WAPL: variants seen among roughly 807,000 people sequenced by gnomAD.
WAPL encodes the protein wings apart-like protein homolog.
A neutral mutation model predicts 121.0 loss-of-function variants in WAPL; 5 were observed. That is an observed-to-expected ratio of 0.04 (90% confidence interval 0.02 to 0.09). The LOEUF is 0.09. Among genes scored for constraint, WAPL ranks in the 10% least tolerant of loss-of-function variants. The pLI is 1.00. For synonymous variants in WAPL, 480 were observed against 481.5 expected (o/e 1.00, Z 0.04); for missense variants, 999 against 1,410.8 (o/e 0.71, Z 4.68).
At chr10:86,443,595 CAATT>C (rs1473422202) in intron 16 of WAPL, 1 of 445,184 alleles carries the variant, frequency 2.2e-6, no homozygotes. Context: ...GCAAAGGACA[CAATT>C]AACAAACTGA....
At position 86,487,736 on chromosome 10, in the gene WAPL, C is replaced by CA. The variant is rs1333376471; in HGVS notation, c.1644+9464dup. Among the ~76,000 whole-genome samples, 435 of 150,946 alleles carry CA rather than the reference C, an allele frequency of 2.9e-3. 13 individuals carry two copies. Among genetic ancestry groups the CA allele is most frequent in the Non-Finnish European group, 2.5e-4 (17 of 67,672 alleles). On this transcript the variant is annotated intron_variant, in intron 4 of 18. Coordinates refer to ENST00000298767, the MANE Select transcript of WAPL (RefSeq NM_015045.5). ...AAACCCCACCTCTACTAAAAAATAC[C>CA]AAAAAAAAATTAGCCGGGCATGGTG...
rs771602900 is a variant in WAPL, at chr10:86,435,638, A to T, written c.*1905T>A. On this transcript the variant is annotated 3_prime_UTR_variant, in exon 19 of 19. Transcript: ENST00000298767. ...ATCTGCATCTCTATCAGTGCTCGAC[A>T]ATTAGTTATTATTTAAAAAACAAAA... 6.6e-6 allele frequency: 1 copy of T among 152,510 alleles called. No homozygotes were observed. Among genetic ancestry groups the T allele is most frequent in the Non-Finnish European group, 1.5e-5 (1 of 68,020 alleles). 9.4% of individuals were successfully genotyped at this position (152,510 alleles called of 1,614,324 possible).
intron 9 of WAPL, among the ~76,000 whole-genome samples, chr10:86,464,011 C>T (rs373184074): frequency 1.8e-4 from 27 of 152,274 alleles, no homozygotes; most frequent in African/African-American, 5.1e-4. Context: ...AATCACCTAA[C>T]GATGCATTTT....
chr10:86,475,905 G>C (rs1447908792), intron 4 of WAPL, among the ~76,000 whole-genome samples: 2 of 152,210 alleles, frequency 1.3e-5, no homozygotes, highest in Non-Finnish European at 2.9e-5. Flanking sequence ...ATTGGGCTAG[G>C]CACAGTGGCT....
At chr10:86,453,950 G>A in intron 12 of WAPL, 119 bp from the exon 13 acceptor site, 1 of 926,138 alleles carries the variant, frequency 1.1e-6, no homozygotes, top group Non-Finnish European at 1.5e-6. Flanking sequence ...GGAAAAATCT[G>A]ATACCTTAAA....
rs1849308610 is a variant in WAPL at position 86,435,897 on chromosome 10, TATCATTTACCAATATGTTTTTAAA to T, written c.*1622_*1645del. On this transcript the variant is annotated 3_prime_UTR_variant, in exon 19 of 19. Transcript: ENST00000298767. ...AATATAACTAATTTAATTTTACGGG[TATCATTTACCAATATGTTTTTAAA>T]AGTATTTTGCTAAGCTAGCTTTAAT... 6.6e-6 allele frequency: 1 copy of T among 152,358 alleles called. No individual in the cohort carries two copies. Among genetic ancestry groups the T allele is most frequent in the East Asian group, 1.9e-4 (1 of 5,190 alleles). The allele number at this position is 152,358 out of a possible 1,614,324, so 9.4% of individuals were successfully genotyped here. A position where few individuals can be genotyped will look rare whatever the true frequency, so the allele number is the denominator to read the frequency against.
At chr10:86,478,144 T>C (rs1244215794) in intron 4 of WAPL, among the ~76,000 whole-genome samples, 7 of 134,932 alleles carry the variant, frequency 5.2e-5, no homozygotes, top group African/African-American at 1.4e-4. Flanking sequence ...AAAAAAAAAA[T>C]TGTGGCTAAG....
chr10:86,498,109 T>C (rs1842184340), intron 3 of WAPL, among the ~76,000 whole-genome samples: 1 of 152,106 alleles, frequency 6.6e-6, no homozygotes, highest in South Asian at 2.1e-4. Flanking sequence ...TCAAAGGGAG[T>C]CTAATTTCAC....
At chr10:86,464,130 C>G (rs1352610481) in intron 9 of WAPL, among the ~76,000 whole-genome samples, 38 of 152,100 alleles carry the variant, frequency 2.5e-4, no homozygotes. Context: ...CAACTAGTAA[C>G]AAAAACGTGT....
chr10:86,457,589 G>A lies in WAPL; in HGVS notation c.2657+1400C>T, dbSNP rs572354908. 2.0e-4 allele frequency among the ~76,000 whole-genome samples: 31 copies of A among 151,956 alleles called. No individual in the cohort carries two copies. In the South Asian group the frequency reaches 6.0e-3, roughly 29 times the overall value. On this transcript the variant is annotated intron_variant, in intron 12 of 18. Transcript: ENST00000298767. The stretch of plus-strand genomic sequence containing the variant: ...AATCATGTGAATCCAGAAGGCAGAG[G>A]TTGCAGTGAGCCGAGATCATGCCAC...
At chr10:86,507,306 T>C (rs1842370637) in intron 2 of WAPL, among the ~76,000 whole-genome samples, 1 of 131,788 alleles carries the variant, frequency 7.6e-6, no homozygotes, top group Admixed American at 9.2e-5. Context: ...AGGCAGAGGT[T>C]GCAGTCAGCC....
intron 3 of WAPL, 29 bp from the exon 4 acceptor site, chr10:86,497,348 T>A: frequency 1.3e-6 from 2 of 1,506,220 alleles, no homozygotes; most frequent in Non-Finnish European, 1.8e-6. Context: ...CTATCTAGCT[T>A]ACTAATATTT....
At chr10:86,477,730 G>A (rs1457397193) in intron 4 of WAPL, among the ~76,000 whole-genome samples, 1 of 152,108 alleles carries the variant, frequency 6.6e-6, no homozygotes, top group Non-Finnish European at 1.5e-5. Flanking sequence ...GAACCCAGAA[G>A]GTAGAGGCTG....
chr10:86,479,170 G>A (rs545933426), intron 4 of WAPL, among the ~76,000 whole-genome samples: 1 of 152,146 alleles, frequency 6.6e-6, no homozygotes, highest in Admixed American at 6.5e-5. Context: ...ATTCCTTCCT[G>A]AAAATCTAAG....
chr10:86,487,814 G>A (rs572163616), intron 4 of WAPL, among the ~76,000 whole-genome samples: 7 of 152,272 alleles, frequency 4.6e-5, no homozygotes, highest in Admixed American at 3.9e-4. Context: ...AGAATGGAGT[G>A]AACCTGGGAG....
rs745740928 is a variant in WAPL at position 86,453,820 on chromosome 10, T to A, written c.2669A>T (p.His890Leu). ...LIVSSAKALQ[H>L]CEELIQQYNR... is the part of the protein sequence containing the mutation. ...GTACTGCTGAATCAGTTCTTCACAA[T>A]GCTGTAATGCTCTTAAAAGGAAATA... The change falls in exon 13 of 19, where the codon CAT (histidine) becomes CTT (leucine). Residue 890 changes from histidine to leucine, a missense_variant. Around this residue, in one of 7 missense-constraint regions of WAPL, gnomAD observed 118 missense variants for 318.3 expected, o/e 0.37. Coordinates refer to ENST00000298767, the MANE Select transcript of WAPL (RefSeq NM_015045.5). 2.5e-6 allele frequency: 4 copies of A among 1,603,982 alleles called. No homozygotes were observed. Among genetic ancestry groups the A allele is most frequent in the Non-Finnish European group, 3.4e-6 (4 of 1,176,814 alleles).
At chr10:86,453,401 T>C (rs998815637) in intron 13 of WAPL, 66 bp from the exon 14 acceptor site, 201 of 1,476,500 alleles carry the variant, frequency 1.4e-4, no homozygotes, top group Non-Finnish European at 1.5e-4. Context: ...ATAATGGAGA[T>C]TTATTAACAT....
chr10:86,502,947 C>G (rs1395089665), intron 2 of WAPL, among the ~76,000 whole-genome samples: 6 of 151,432 alleles, frequency 4.0e-5, no homozygotes, highest in Admixed American at 3.3e-4. Context: ...ATCATGAGGT[C>G]AGGAGTTCGA....
chr10:86,497,078 T>C (rs756988343), intron 4 of WAPL, 123 bp downstream of exon 4: 2 of 799,982 alleles, frequency 2.5e-6, no homozygotes, highest in South Asian at 3.7e-5. Context: ...AAAAAACGAC[T>C]TACACATATC....
Sources: gnomAD v4.1 joint callset for allele counts (sites outside exome capture counted in the v4.1 genomes callset) on GRCh38, gnomAD v4.1.1 for gene constraint, gnomAD v4.1.1 regional missense constraint, MANE v1.5 for transcripts, NCBI Gene and HGNC (gene_info 2026-07-23, HGNC 2026-07-21) for gene names.